Variants in MTUS2 observed in about 807,000 individuals in gnomAD.
MTUS2 encodes microtubule-associated tumor suppressor candidate 2.
Under a neutral mutation model 114.1 loss-of-function variants are expected in MTUS2, and 40 were observed. That is an observed-to-expected ratio of 0.35 (90% CI 0.27 to 0.46). MTUS2 has a LOEUF of 0.46. Among genes scored for constraint, MTUS2 ranks in the 20% least tolerant of loss-of-function variants. The probability of loss-of-function intolerance (pLI) is 1.00; values close to 1 mark genes in which losing one functional copy is unlikely to be tolerated. For missense variants in MTUS2, 1,679 were observed against 1,705.4 expected (o/e 0.98, Z 0.27); for synonymous variants, 688 against 672.0 (o/e 1.02, Z -0.37).
intron 5 of MTUS2, among the ~76,000 whole-genome samples, chr13:29,220,773 A>G (rs1895875966): frequency 1.3e-5 from 2 of 152,230 alleles, no homozygotes; most frequent in African/African-American, 4.8e-5. Flanking sequence ...AGAATGTGAC[A>G]CAGAAACAAA....
At chr13:28,994,941 A>G (rs1016331658) in intron 2 of MTUS2, among the ~76,000 whole-genome samples, 5 of 151,882 alleles carry the variant, frequency 3.3e-5, no homozygotes, top group Non-Finnish European at 7.4e-5. Flanking sequence ...TTTTGTTGCC[A>G]TTGCTTTTGG....
intron 5 of MTUS2, among the ~76,000 whole-genome samples, chr13:29,154,294 T>A (rs1483982634): frequency 6.6e-6 from 1 of 152,182 alleles, no homozygotes; most frequent in Admixed American, 6.5e-5. Flanking sequence ...ACTCATGTAT[T>A]TGGTTACTCT....
At chr13:29,466,421 C>T (rs890854954) in intron 9 of MTUS2, among the ~76,000 whole-genome samples, 2 of 152,086 alleles carry the variant, frequency 1.3e-5, no homozygotes, top group African/African-American at 2.4e-5. Context: ...CTCTTTTGTT[C>T]CTAGGAATCC....
intron 5 of MTUS2, among the ~76,000 whole-genome samples, chr13:29,194,901 A>G (rs1894613725): frequency 6.7e-6 from 1 of 149,642 alleles, no homozygotes; most frequent in Non-Finnish European, 1.5e-5. Context: ...TACACCATGG[A>G]ATACTATGCA....
At chr13:29,309,069 T>G (rs900028486) in intron 6 of MTUS2, among the ~76,000 whole-genome samples, 4 of 152,300 alleles carry the variant, frequency 2.6e-5, no homozygotes, top group African/African-American at 9.6e-5. Context: ...GGCAATCCCA[T>G]TACTATATGT....
At chr13:28,851,855 G>A (rs376318099) in intron 2 of MTUS2, among the ~76,000 whole-genome samples, 12 of 152,314 alleles carry the variant, frequency 7.9e-5, no homozygotes, top group Admixed American at 3.9e-4. Flanking sequence ...GCTTCCTGGA[G>A]CGGGTGGCAT....
intron 1 of MTUS2, among the ~76,000 whole-genome samples, chr13:28,835,220 G>A (rs961522514): frequency 3.3e-5 from 5 of 152,178 alleles, no homozygotes; most frequent in Admixed American, 2.0e-4. Context: ...GCACATGAAT[G>A]TGTACATAGG....
At chr13:29,292,262 A>G (rs1041209264) in intron 6 of MTUS2, among the ~76,000 whole-genome samples, 1 of 152,246 alleles carries the variant, frequency 6.6e-6, no homozygotes, top group Non-Finnish European at 1.5e-5. Flanking sequence ...TTGCATGTCA[A>G]CGTCACCTGC....
At chr13:29,281,286 G>A (rs17597613) in intron 5 of MTUS2, among the ~76,000 whole-genome samples, 4,868 of 152,004 alleles carry the variant, frequency 0.032, 114 homozygotes, top group Middle Eastern at 0.051. Flanking sequence ...ACTTCTCCTG[G>A]GTCACTCACG....
At chr13:29,459,587 A>G (rs1879345935) in intron 9 of MTUS2, among the ~76,000 whole-genome samples, 2 of 152,172 alleles carry the variant, frequency 1.3e-5, no homozygotes, top group Admixed American at 6.5e-5. Context: ...GTCAGTAACT[A>G]GAAACATGTT....
intron 6 of MTUS2, among the ~76,000 whole-genome samples, chr13:29,291,049 C>T (rs147158464): frequency 9.2e-5 from 14 of 152,300 alleles, no homozygotes; most frequent in Admixed American, 9.2e-4. Context: ...AAATGAGAGA[C>T]GTGCCCTTTG....
At chr13:28,983,948 G>A (rs1390364070) in intron 2 of MTUS2, among the ~76,000 whole-genome samples, 8 of 152,260 alleles carry the variant, frequency 5.3e-5, no homozygotes, top group Admixed American at 5.2e-4. Context: ...GCGCTCTCTT[G>A]CTTTGCTCTG....
At chr13:29,177,643 A>G (rs1893830051) in intron 5 of MTUS2, among the ~76,000 whole-genome samples, 1 of 152,192 alleles carries the variant, frequency 6.6e-6, no homozygotes, top group Admixed American at 6.5e-5. Context: ...TAGGGTGAGC[A>G]AAGTAGCAAT....
intron 5 of MTUS2, among the ~76,000 whole-genome samples, chr13:29,184,909 A>G (rs998143867): frequency 6.6e-6 from 1 of 152,192 alleles, no homozygotes; most frequent in African/African-American, 2.4e-5. Flanking sequence ...GGCAGTAGGG[A>G]GACAGTCAAG....
At chr13:28,825,655 G>A (rs747927853) in intron 1 of MTUS2, among the ~76,000 whole-genome samples, 1 of 152,206 alleles carries the variant, frequency 6.6e-6, no homozygotes, top group Non-Finnish European at 1.5e-5. Flanking sequence ...GGGAGCAGCA[G>A]CCAGGGCCTG....
chr13:29,485,918 G>A (rs1274504288), intron 10 of MTUS2, among the ~76,000 whole-genome samples: 2 of 149,832 alleles, frequency 1.3e-5, no homozygotes, highest in African/African-American at 4.9e-5. Context: ...CCTCCAAACA[G>A]TGTGTGGGGT....
intron 4 of MTUS2, among the ~76,000 whole-genome samples, chr13:29,049,876 C>T (rs945111312): frequency 5.3e-5 from 8 of 152,180 alleles, no homozygotes; most frequent in African/African-American, 7.2e-5. Context: ...CAAGCAGCTC[C>T]GCAGCTGCCA....
intron 5 of MTUS2, among the ~76,000 whole-genome samples, chr13:29,233,511 C>T (rs1280872331): frequency 1.3e-5 from 2 of 152,142 alleles, no homozygotes; most frequent in African/African-American, 4.8e-5. Flanking sequence ...TAGTCTGAAG[C>T]ACGTAGCTGA....
chr13:29,452,606 G>GTGTGTGTA (rs1555280542), intron 9 of MTUS2, among the ~76,000 whole-genome samples: 1 of 132,038 alleles, frequency 7.6e-6, no homozygotes, highest in African/African-American at 2.9e-5. Flanking sequence ...GTGTGTGTGT[G>GTGTGTGTA]TATATATATA....
Sources: gnomAD v4.1 joint callset for allele counts (sites outside exome capture counted in the v4.1 genomes callset) on GRCh38, gnomAD v4.1.1 for gene constraint, MANE v1.5 for transcripts, NCBI Gene and HGNC (gene_info 2026-07-23, HGNC 2026-07-21) for gene names.